IL31RA: variants seen among roughly 807,000 people sequenced by gnomAD.
IL31RA encodes the protein interleukin-31 receptor subunit alpha.
IL31RA carries 66 observed loss-of-function variants against 83.7 expected under a neutral mutation model. That is an observed-to-expected ratio of 0.79 (90% CI 0.65 to 0.97). IL31RA has a LOEUF of 0.97. IL31RA is among the 50% of genes least tolerant of loss of function. IL31RA has a pLI of 0.00. For synonymous variants in IL31RA, 325 were observed against 329.0 expected (o/e 0.99, Z 0.13); for missense variants, 798 against 919.4 (o/e 0.87, Z 1.71).
Position 55,900,067 on chromosome 5 carries a change from T to C in IL31RA, c.1004T>C (p.Ile335Thr). The C allele has an allele frequency of 1.2e-6, 2 of 1,614,152 alleles. No individual in the cohort carries two copies. Among genetic ancestry groups the C allele is most frequent in the Non-Finnish European group, 1.7e-6 (2 of 1,180,016 alleles). ...LGGESFWVSM[I>T]SYNSLGKSPV... ...GGCGAGAGCTTTTGGGTGTCTATGATTTCTTATAATTCTCTTGGGAAGTCT... is the reference window on the plus strand; with the variant it reads ...GGCGAGAGCTTTTGGGTGTCTATGACTTCTTATAATTCTCTTGGGAAGTCT... Residue 335 changes from isoleucine (I) to threonine (T), a missense_variant, in exon 8 of 15, where the codon ATT (isoleucine) becomes ACT (threonine). Physicochemically the swap from Ile to Thr is moderately conservative, Grantham distance 89. Transcript: ENST00000652347.
At position 55,917,130 on chromosome 5, in the gene IL31RA, T is replaced by C; in HGVS notation, c.*10T>C. On this transcript the variant is annotated 3_prime_UTR_variant, in exon 15 of 15. Transcript: ENST00000652347. ...CAAGGGAGAAGTCTAAATGCGACCA[T>C]AGCATGAGACCCTCGGGGCCTCAGT... 6.2e-7 allele frequency: 1 copy of C among 1,614,108 alleles called. No homozygotes were observed. Among genetic ancestry groups the C allele is most frequent in the Non-Finnish European group, 8.5e-7 (1 of 1,180,032 alleles).
intron 2 of IL31RA, among the ~76,000 whole-genome samples, chr5:55,861,958 A>G (rs926719150): frequency 5.9e-5 from 9 of 152,194 alleles, no homozygotes; most frequent in Non-Finnish European, 1.0e-4. Context: ...AAGGAGGGAG[A>G]TGGAGAACAT....
intron 8 of IL31RA, among the ~76,000 whole-genome samples, chr5:55,900,824 AC>A (rs1348642924): frequency 1.3e-5 from 2 of 152,064 alleles, no homozygotes. Context: ...TTATTTTACT[AC>A]CTTTTTCTTC....
rs151010164 is a variant in IL31RA at position 55,922,556 on chromosome 5, T to C, written c.*5436T>C. 1.5e-3 allele frequency: 1,197 copies of C among 793,678 alleles called. 18 individuals are homozygous for C. In the African/African-American group the frequency reaches 0.019, roughly 13 times the overall value. The allele number at this position is 793,678 out of a possible 1,614,324, so 49.2% of individuals were successfully genotyped here. On this transcript the variant is annotated 3_prime_UTR_variant, in exon 15 of 15. Coordinates refer to ENST00000652347, the MANE Select transcript of IL31RA (RefSeq NM_139017.7). ...GAGAACCATCTCTGAAGACTGGGTATGTGGTCTTTTCCACACATGGACCAC... is the reference window on the plus strand; with the variant it reads ...GAGAACCATCTCTGAAGACTGGGTACGTGGTCTTTTCCACACATGGACCAC...
chr5:55,921,749 T>G lies in IL31RA; in HGVS notation c.*4629T>G, dbSNP rs998149676. Among the ~76,000 whole-genome samples, 1 of 152,184 alleles carries G rather than the reference T, an allele frequency of 6.6e-6. No individual in the cohort carries two copies. The highest frequency in any genetic ancestry group is 2.4e-5 in the African/African-American group (1 of 41,444). On this transcript the variant is annotated 3_prime_UTR_variant, in exon 15 of 15. Transcript: ENST00000652347. ...AATCCTTGTGAAGCCAAACTTTTCTTTTTTTATTGTTGCCATGTCCCTGTG... is the reference window on the plus strand; with the variant it reads ...AATCCTTGTGAAGCCAAACTTTTCTGTTTTTATTGTTGCCATGTCCCTGTG...
intron 1 of IL31RA, chr5:55,852,112 T>A (rs6872635): frequency 0.62 from 112,003 of 179,792 alleles, 36,171 homozygotes; most frequent in South Asian, 0.75. Context: ...TGCTTGCTAT[T>A]TTTGTGCTAG....
chr5:55,840,743 C>T, the IL31RA span, among the ~76,000 whole-genome samples: 2 of 152,154 alleles, frequency 1.3e-5, no homozygotes, highest in Non-Finnish European at 1.5e-5. Context: ...TAGGATTCAG[C>T]TCAAATGTGT....
upstream of IL31RA, among the ~76,000 whole-genome samples, chr5:55,847,443 G>T (rs1259264471): frequency 6.6e-6 from 1 of 151,662 alleles, no homozygotes. Flanking sequence ...TTAGGTGGGC[G>T]TGGTGGTGCA....
intron 5 of IL31RA, 97 bp from the exon 6 acceptor site, chr5:55,889,873 A>T: frequency 1.9e-6 from 2 of 1,026,548 alleles, no homozygotes; most frequent in South Asian, 1.3e-5. Flanking sequence ...GAGTGTTACT[A>T]GTTCTAAAAA....
intron 5 of IL31RA, among the ~76,000 whole-genome samples, chr5:55,887,974 C>T (rs1232368600): frequency 2.6e-5 from 4 of 151,214 alleles, no homozygotes; most frequent in African/African-American, 4.9e-5. Flanking sequence ...CGCTTGAACC[C>T]GGGAGGCAGA....
intron 12 of IL31RA, 72 bp downstream of exon 12, chr5:55,910,744 C>A: frequency 6.4e-7 from 1 of 1,562,992 alleles, no homozygotes; most frequent in Non-Finnish European, 8.8e-7. Flanking sequence ...ATGACATCTG[C>A]CAAAAGCTGG....
chr5:55,868,016 A>G (rs1399814070), intron 2 of IL31RA, among the ~76,000 whole-genome samples: 1 of 152,220 alleles, frequency 6.6e-6, no homozygotes, highest in Non-Finnish European at 1.5e-5. Context: ...TGCAGCAACG[A>G]AAATATAATA....
rs141535700 is a variant in IL31RA, at chr5:55,872,781, T to A, written c.454+330T>A. ...TCCCCACCACCCCACCCTGCCAATG[T>A]CATTGCTCATAAACGAAAAGAGCAT... On this transcript the variant is annotated intron_variant, in intron 4 of 14. Transcript: ENST00000652347. Among the ~76,000 whole-genome samples the A allele has an allele frequency of 1.7e-3, 259 of 152,150 alleles. 3 individuals are homozygous for A. The highest frequency in any genetic ancestry group is 6.1e-3 in the African/African-American group (253 of 41,502).
intron 1 of IL31RA, among the ~76,000 whole-genome samples, chr5:55,855,321 A>G (rs1212801196): frequency 2.0e-5 from 3 of 149,868 alleles, no homozygotes; most frequent in Non-Finnish European, 4.4e-5. Flanking sequence ...TTTAAAATAT[A>G]TATATATATA....
At chr5:55,854,894 C>T (rs997840498) in intron 1 of IL31RA, among the ~76,000 whole-genome samples, 1 of 152,194 alleles carries the variant, frequency 6.6e-6, no homozygotes, top group African/African-American at 2.4e-5. Flanking sequence ...AAATCTAAGG[C>T]CATTATTACT....
chr5:55,862,246 C>T, intron 2 of IL31RA, among the ~76,000 whole-genome samples: 1 of 152,132 alleles, frequency 6.6e-6, no homozygotes, highest in South Asian at 2.1e-4. Flanking sequence ...TAGAGAGTTC[C>T]TTTCTACCCT....
Position 55,907,438 on chromosome 5 carries a change from C to T in IL31RA, c.1332C>T (p.Ile444=), listed in dbSNP as rs780494429. 4 of 1,611,510 alleles carry T rather than the reference C, an allele frequency of 2.5e-6. No individual in the cohort carries two copies. In the South Asian group the frequency reaches 3.3e-5, roughly 13 times the overall value. ...LHDKVGEPYS[I]QAYAKEGVPS... is the part of the protein sequence containing the mutation. ...ACAAAGTTGGCGAGCCATATTCCAT[C>T]CAGGCTTATGCCAAAGAAGGCGGTA... is the stretch of plus-strand genomic sequence containing the variant. Residue 444 remains isoleucine, a synonymous_variant, in exon 10 of 15, where the codon ATC becomes ATT. Coordinates refer to ENST00000652347, the MANE Select transcript of IL31RA (RefSeq NM_139017.7).
chr5:55,873,390 G>A (rs1018677016), intron 4 of IL31RA, among the ~76,000 whole-genome samples: 19 of 152,082 alleles, frequency 1.2e-4, no homozygotes, highest in African/African-American at 4.6e-4. Flanking sequence ...TTTTTTGTGT[G>A]GACATGTTTC....
At chr5:55,898,302 G>C (rs1301624369) in intron 7 of IL31RA, among the ~76,000 whole-genome samples, 1 of 151,850 alleles carries the variant, frequency 6.6e-6, no homozygotes, top group Non-Finnish European at 1.5e-5. Flanking sequence ...GTTGGGTCTG[G>C]TCTTTTTCTC....
Sources: allele counts gnomAD v4.1 joint callset (sites outside exome capture counted in the v4.1 genomes callset), GRCh38; gene constraint gnomAD v4.1.1; transcripts MANE v1.5; gene names NCBI Gene and HGNC (gene_info 2026-07-23, HGNC 2026-07-21).